MYOM2: variants seen among roughly 807,000 people sequenced by gnomAD.
MYOM2 encodes the protein myomesin-2.
A neutral mutation model predicts 187.6 loss-of-function variants in MYOM2; 254 were observed. The ratio of observed to expected loss-of-function variants is 1.35; its 90% CI spans 1.22 to 1.50. MYOM2 has a LOEUF of 1.50. Ranked by LOEUF, MYOM2 falls within the 40% of genes most tolerant of loss-of-function variation. The pLI, the probability that MYOM2 is intolerant of heterozygous loss-of-function variation, is 0.00. For missense variants in MYOM2, 2,796 were observed against 1,924.0 expected (o/e 1.45, Z -8.48); for synonymous variants, 981 against 753.8 (o/e 1.30, Z -4.94).
At chr8:2,136,167 C>G (rs756125971) in intron 32 of MYOM2, among the ~76,000 whole-genome samples, 10 of 152,228 alleles carry the variant, frequency 6.6e-5, no homozygotes, top group Non-Finnish European at 1.2e-4. Context: ...CCAACATGGG[C>G]AGCTCGAGGC....
intron 34 of MYOM2, among the ~76,000 whole-genome samples, chr8:2,141,895 A>C (rs991558340): frequency 4.6e-5 from 7 of 152,208 alleles, no homozygotes; most frequent in Admixed American, 3.3e-4. Context: ...CTTTTTAAGG[A>C]CAATTCGGGG....
At position 2,115,536 on chromosome 8, in the gene MYOM2, C is replaced by T. The variant is rs558061911; in HGVS notation, c.3181-424C>T. ...GGCTGGGGCTTGTGGGTGCTGTGTCCCGGGAGCTGAAGATGACAGTGGCTG... is the reference window on the plus strand; with the variant it reads ...GGCTGGGGCTTGTGGGTGCTGTGTCTCGGGAGCTGAAGATGACAGTGGCTG... On this transcript the variant is annotated intron_variant, in intron 25 of 36. Coordinates refer to ENST00000262113, the MANE Select transcript of MYOM2 (RefSeq NM_003970.4). Among the ~76,000 whole-genome samples, 9 of 152,302 alleles carry T rather than the reference C, an allele frequency of 5.9e-5. No homozygotes were observed. In the South Asian group the frequency reaches 1.7e-3, roughly 28 times the overall value.
chr8:2,074,453 T>A (rs1448463226), intron 10 of MYOM2, among the ~76,000 whole-genome samples: 2 of 151,442 alleles, frequency 1.3e-5, no homozygotes, highest in African/African-American at 4.9e-5. Context: ...CACTCCTCCT[T>A]TTTTTTTAGT....
chr8:2,118,778 G>A (rs1231602976), intron 28 of MYOM2: 1 of 152,712 alleles, frequency 6.5e-6, no homozygotes, highest in East Asian at 1.9e-4. Flanking sequence ...AGCACCTGAG[G>A]GCTGTTAGTG....
At chr8:2,097,348 T>C (rs1796529847) in intron 18 of MYOM2, among the ~76,000 whole-genome samples, 1 of 152,186 alleles carries the variant, frequency 6.6e-6, no homozygotes, top group South Asian at 2.1e-4. Context: ...AACTTAAAAA[T>C]TATTTTATTT....
In MYOM2 at chr8:2,083,271, C is replaced by T. The variant is rs771760244; in HGVS notation, c.1517-1992C>T. Among the ~76,000 whole-genome samples the T allele has an allele frequency of 5.3e-5, 8 of 150,542 alleles. No individual in the cohort carries two copies. In the South Asian group the frequency reaches 6.3e-4, roughly 12 times the overall value. ...AGCATCAGTGCCCTGGGGGTAGAAC[C>T]GTTGGCCAGTGTCTAGCCTTTGCTT... On this transcript the variant is annotated intron_variant, in intron 13 of 36. Transcript: ENST00000262113.
At position 2,137,885 on chromosome 8, in the gene MYOM2, G is replaced by T. The variant is rs180807996; in HGVS notation, c.3801-2838G>T. Among the ~76,000 whole-genome samples the T allele has an allele frequency of 4.6e-5, 7 of 152,316 alleles. No individual in the cohort carries two copies. In the East Asian group the frequency reaches 1.4e-3, roughly 29 times the overall value. ...GCTGTGATGTCCCTACAGTGTGTCA[G>T]TGTCTCTTTGCCTTCAGGTCTCTGC... On this transcript the variant is annotated intron_variant, in intron 32 of 36. Transcript: ENST00000262113.
At chr8:2,095,215 C>G (rs1458470584) in intron 17 of MYOM2, among the ~76,000 whole-genome samples, 4 of 152,036 alleles carry the variant, frequency 2.6e-5, no homozygotes, top group African/African-American at 9.7e-5. Flanking sequence ...TTAATCTCCT[C>G]TCAATTTTTT....
Position 2,085,276 on chromosome 8 carries a change from T to C in MYOM2, c.1530T>C (p.Val510=). 6.2e-7 allele frequency: 1 copy of C among 1,614,070 alleles called. No homozygotes were observed. ...YQDDLEGDAQ[V]PGPPTGVHAS... ...TTATTCCTCCAGGTGACGCCCAGGT[T>C]CCAGGGCCTCCCACCGGTGTGCACG... Residue 510 remains valine, a synonymous_variant, in exon 14 of 37, where the codon GTT becomes GTC. Coordinates refer to ENST00000262113, the MANE Select transcript of MYOM2 (RefSeq NM_003970.4).
chr8:2,133,048 G>C (rs1191798922), intron 32 of MYOM2, among the ~76,000 whole-genome samples: 1 of 152,180 alleles, frequency 6.6e-6, no homozygotes, highest in Admixed American at 6.5e-5. Flanking sequence ...GTCCTGGCCT[G>C]TGACAGCTGC....
chr8:2,071,761 T>C lies in MYOM2; in HGVS notation c.794-584T>C, dbSNP rs143335689. 1.2e-3 allele frequency among the ~76,000 whole-genome samples: 179 copies of C among 152,326 alleles called. 2 individuals carry two copies. The East Asian group carries it at 0.024, about 21-fold the overall frequency. ...CAGCAAACACTTATCCTCTCTGTTC[T>C]GGAGGCAGAAGCCTGACACTCAGCA... On this transcript the variant is annotated intron_variant, in intron 8 of 36. Transcript: ENST00000262113.
In MYOM2 at chr8:2,072,410, A is replaced by C; in HGVS notation, c.859A>C (p.Thr287Pro). Residue 287 changes from threonine to proline, a missense_variant, in exon 9 of 37, where the codon ACC (threonine) becomes CCC (proline). Thr to Pro is a conservative substitution (Grantham distance 38, BLOSUM62 -1). Coordinates refer to ENST00000262113, the MANE Select transcript of MYOM2 (RefSeq NM_003970.4). ...DVQFLEKFGV[T>P]FRREGETVTL... is the part of the protein sequence containing the mutation. ...CCAGTTTTTGGAGAAGTTTGGGGTCACCTTCAGGAGGGAAGGCGAGACGGT... is the reference window on the plus strand; with the variant it reads ...CCAGTTTTTGGAGAAGTTTGGGGTCCCCTTCAGGAGGGAAGGCGAGACGGT... 1 of 1,614,130 alleles carries C rather than the reference A, an allele frequency of 6.2e-7. No individual in the cohort carries two copies. The highest frequency in any genetic ancestry group is 1.1e-5 in the South Asian group (1 of 91,078).
chr8:2,144,568 T>C lies in MYOM2; in HGVS notation c.4081-96T>C, dbSNP rs1585988250. The C allele has an allele frequency of 1.8e-5, 22 of 1,226,852 alleles. No individual in the cohort carries two copies. The East Asian group carries it at 5.1e-4, about 28-fold the overall frequency. 76.0% of individuals were successfully genotyped at this position (1,226,852 alleles called of 1,614,324 possible). A position where few individuals can be genotyped will look rare whatever the true frequency, so the allele number is the denominator to read the frequency against. On this transcript the variant is annotated intron_variant, in intron 36 of 36. Transcript: ENST00000262113. Reference sequence around the variant, plus strand: ...AACAAACGATTGAAGGACCAATAAATGTAACTGAGTGTGACCTGGAGCCCA... The same window carrying C: ...AACAAACGATTGAAGGACCAATAAACGTAACTGAGTGTGACCTGGAGCCCA...
At chr8:2,132,931 G>A (rs1478215506) in intron 32 of MYOM2, among the ~76,000 whole-genome samples, 1 of 152,182 alleles carries the variant, frequency 6.6e-6, no homozygotes, top group Non-Finnish European at 1.5e-5. Flanking sequence ...TCCACAGGGT[G>A]GGAGGGGCAG....
intron 8 of MYOM2, among the ~76,000 whole-genome samples, chr8:2,070,681 T>A (rs530241342): frequency 6.6e-6 from 1 of 152,328 alleles, no homozygotes; most frequent in East Asian, 1.9e-4. Flanking sequence ...ACAGCATAGA[T>A]CACCATGGAA....
chr8:2,123,867 T>C (rs1328706643), intron 30 of MYOM2, among the ~76,000 whole-genome samples: 1 of 152,240 alleles, frequency 6.6e-6, no homozygotes, highest in African/African-American at 2.4e-5. Context: ...AAACGTCATT[T>C]CGGTCCATCA....
chr8:2,142,589 C>T (rs62501382), intron 35 of MYOM2, among the ~76,000 whole-genome samples, 192 bp downstream of exon 35: 1,787 of 152,206 alleles, frequency 0.012, 28 homozygotes, highest in African/African-American at 0.034. Context: ...GCACTGCTTT[C>T]GGCCTTAGCC....
intron 23 of MYOM2, 123 bp downstream of exon 23, chr8:2,106,720 G>A (rs1228308290): frequency 3.1e-5 from 22 of 702,010 alleles, no homozygotes; most frequent in Non-Finnish European, 2.3e-5. Context: ...GGCTGGCGGT[G>A]GGGGCTATGT....
At chr8:2,097,533 G>A (rs975061794) in intron 18 of MYOM2, among the ~76,000 whole-genome samples, 6 of 152,056 alleles carry the variant, frequency 3.9e-5, no homozygotes, top group Admixed American at 2.0e-4. Flanking sequence ...TTTAGTTTTC[G>A]AGACAGAGTC....
Sources: gnomAD v4.1 joint callset for allele counts (sites outside exome capture counted in the v4.1 genomes callset) on GRCh38, gnomAD v4.1.1 for gene constraint, MANE v1.5 for transcripts, NCBI Gene and HGNC (gene_info 2026-07-23, HGNC 2026-07-21) for gene names.